The following SEPTIN9 variants were observed in gnomAD, a reference collection of about 807,000 sequenced individuals.
The protein encoded by SEPTIN9 is septin 9.
SEPTIN9 carries 13 observed loss-of-function variants against 56.6 expected under a neutral mutation model. The observed-to-expected ratio is 0.23, with a 90% CI of 0.15 to 0.37. The LOEUF (loss-of-function observed/expected upper bound fraction) is 0.37. SEPTIN9 is among the 10% of genes least tolerant of loss of function. The pLI is 1.00. For synonymous variants in SEPTIN9, 332 were observed against 334.1 expected (o/e 0.99, Z 0.07); for missense variants, 650 against 823.1 (o/e 0.79, Z 2.57).
intron 8 of SEPTIN9, 52 bp downstream of exon 8, chr17:77,490,911 T>C: frequency 7.1e-7 from 1 of 1,415,704 alleles, no homozygotes; most frequent in South Asian, 1.2e-5. Flanking sequence ...CTGGAGACGC[T>C]GCAGGCCTGG....
chr17:77,361,213 C>T (rs372466409), intron 2 of SEPTIN9, among the ~76,000 whole-genome samples: 84 of 152,108 alleles, frequency 5.5e-4, no homozygotes, highest in African/African-American at 9.9e-4. Flanking sequence ...CGTGAGCCAC[C>T]GCACTGGGCC....
chr17:77,482,496 C>T (rs111599420), intron 4 of SEPTIN9, 161 bp downstream of exon 4: 8 of 780,830 alleles, frequency 1.0e-5, no homozygotes, highest in South Asian at 2.9e-5. Flanking sequence ...TGCATGCATG[C>T]GCCTGGGAGG....
At chr17:77,401,681 G>A (rs139984182) in intron 2 of SEPTIN9, among the ~76,000 whole-genome samples, 2,330 of 151,576 alleles carry the variant, frequency 0.015, 52 homozygotes, top group African/African-American at 0.053. Flanking sequence ...GGGAGGTGCC[G>A]CTGCACTCCA....
rs2038193638 is a variant in SEPTIN9 at position 77,456,174 on chromosome 17, C to T, written c.722-25970C>T. On this transcript the variant is annotated intron_variant, in intron 3 of 11. Transcript: ENST00000427177. The surrounding 1 kb of genome is among the most constrained non-coding windows in gnomAD (Gnocchi z 6.0). ...CCCCATTGAGTGGGAGGGAGAATCG[C>T]TGCTGTCTGTAGCTGGGGGGCCGGG... Among the ~76,000 whole-genome samples, 2 of 122,534 alleles carry T rather than the reference C, an allele frequency of 1.6e-5. No individual in the cohort carries two copies. The highest frequency in any genetic ancestry group is 5.9e-4 in the South Asian group (2 of 3,402). The allele number at this position is 122,534 out of a possible 152,430, so 80.4% of individuals were successfully genotyped here. A position where few individuals can be genotyped will look rare whatever the true frequency, so the allele number is the denominator to read the frequency against.
chr17:77,489,356 C>G (rs560865554), intron 7 of SEPTIN9, among the ~76,000 whole-genome samples: 95 of 152,298 alleles, frequency 6.2e-4, no homozygotes, highest in African/African-American at 2.2e-3. Context: ...CCCTTTCCTC[C>G]CGCCGGCTCT....
chr17:77,423,796 A>C (rs545118623), intron 3 of SEPTIN9, among the ~76,000 whole-genome samples: 3 of 152,316 alleles, frequency 2.0e-5, no homozygotes, highest in East Asian at 1.9e-4. Flanking sequence ...GTGAGTAAGA[A>C]AGTGGCAGGA....
At chr17:77,351,954 A>G (rs1437095333) in intron 2 of SEPTIN9, among the ~76,000 whole-genome samples, 2 of 152,232 alleles carry the variant, frequency 1.3e-5, no homozygotes, top group Non-Finnish European at 2.9e-5. Flanking sequence ...CTTGCTGACC[A>G]GAGCCGGGGT....
intron 2 of SEPTIN9, among the ~76,000 whole-genome samples, chr17:77,351,226 A>AC (rs2034052219): frequency 1.8e-5 from 2 of 112,988 alleles, no homozygotes; most frequent in African/African-American, 7.4e-5. Flanking sequence ...GCGCGTGCAC[A>AC]CAACACACAC....
At chr17:77,305,908 G>T in intron 1 of SEPTIN9, among the ~76,000 whole-genome samples, 1 of 104,938 alleles carries the variant, frequency 9.5e-6, no homozygotes, top group Non-Finnish European at 1.9e-5. Context: ...GGGTGGGTGG[G>T]GGGGTGGGTG....
chr17:77,368,315 GT>G lies in SEPTIN9; in HGVS notation c.77-33730del, dbSNP rs141081064. On this transcript the variant is annotated intron_variant, in intron 2 of 11. Transcript: ENST00000427177. Reference sequence around the variant, plus strand: ...TGGTAAATTTGTCTTTTTTGTTTTTGTTTTTTTTTTTTTTGAGACGGAGTCT... The same window carrying G: ...TGGTAAATTTGTCTTTTTTGTTTTTGTTTTTTTTTTTTTGAGACGGAGTCT... Among the ~76,000 whole-genome samples the G allele has an allele frequency of 6.4e-4, 92 of 143,362 alleles. 1 individual carries two copies. Among genetic ancestry groups the G allele is most frequent in the African/African-American group, 9.7e-4 (38 of 39,210 alleles). The allele number at this position is 143,362 out of a possible 152,430, so 94.1% of individuals were successfully genotyped here.
intron 1 of SEPTIN9, among the ~76,000 whole-genome samples, chr17:77,298,112 G>C (rs2031895463): frequency 6.6e-6 from 1 of 152,260 alleles, no homozygotes; most frequent in African/African-American, 2.4e-5. Context: ...CTCCTTAAAG[G>C]AGAATGTGTT....
intron 3 of SEPTIN9, among the ~76,000 whole-genome samples, chr17:77,460,782 G>T (rs537781390): frequency 6.6e-6 from 1 of 152,310 alleles, no homozygotes; most frequent in South Asian, 2.1e-4. Flanking sequence ...CTTGCATCCG[G>T]GGAGTGGGGT....
chr17:77,329,730 C>G lies in SEPTIN9; in HGVS notation c.76+22533C>G, dbSNP rs772901107. 6.6e-6 allele frequency among the ~76,000 whole-genome samples: 1 copy of G among 152,144 alleles called. No individual in the cohort carries two copies. The highest frequency in any genetic ancestry group is 1.5e-5 in the Non-Finnish European group (1 of 68,018). On this transcript the variant is annotated intron_variant, in intron 2 of 11. Coordinates refer to ENST00000427177, the MANE Select transcript of SEPTIN9 (RefSeq NM_001113491.2). This position sits in a 1 kb window ranked among gnomAD's most constrained non-coding sequence, Gnocchi z 4.3. ...TGCCTGAGGACTGCTGTCCACCGTC[C>G]CACCATCCTTCAGGTTTCTTCCCAG...
At position 77,362,201 on chromosome 17, in the gene SEPTIN9, T is replaced by TCCCTG. The variant is rs140062045; in HGVS notation, c.77-39843_77-39839dup. On this transcript the variant is annotated intron_variant, in intron 2 of 11. Coordinates refer to ENST00000427177, the MANE Select transcript of SEPTIN9 (RefSeq NM_001113491.2). ...GGTGGCCTTCACCAATCAGGCAGAT[T>TCCCTG]CCCTGCCCTGCCCTGCCCTTTGGGC... Among the ~76,000 whole-genome samples, 616 of 152,296 alleles carry TCCCTG rather than the reference T, an allele frequency of 4.0e-3. 3 individuals carry two copies. Among genetic ancestry groups the TCCCTG allele is most frequent in the African/African-American group, 0.014 (585 of 41,544 alleles).
At chr17:77,343,003 GTCTA>G (rs139340887) in intron 2 of SEPTIN9, among the ~76,000 whole-genome samples, 7,373 of 147,192 alleles carry the variant, frequency 0.05, 213 homozygotes, top group Middle Eastern at 0.086. Context: ...CTGTCTGTCT[GTCTA>G]TCTATCTATC....
chr17:77,424,302 T>G (rs957499445), intron 3 of SEPTIN9, among the ~76,000 whole-genome samples: 4 of 152,278 alleles, frequency 2.6e-5, no homozygotes, highest in African/African-American at 9.6e-5. Flanking sequence ...ACAGGGCTGC[T>G]TGACTCCAAA....
At chr17:77,480,259 G>T (rs2039400409) in intron 3 of SEPTIN9, among the ~76,000 whole-genome samples, 1 of 152,204 alleles carries the variant, frequency 6.6e-6, no homozygotes, top group African/African-American at 2.4e-5. Context: ...AGAAGACGGG[G>T]AGGTGCCTGT....
intron 2 of SEPTIN9, among the ~76,000 whole-genome samples, chr17:77,320,731 C>T (rs1378870468): frequency 6.6e-6 from 1 of 152,192 alleles, no homozygotes; most frequent in African/African-American, 2.4e-5. Context: ...GTTGGTTTGT[C>T]CACTGTGTGG....
At chr17:77,391,830 G>T (rs948461313) in intron 2 of SEPTIN9, among the ~76,000 whole-genome samples, 1 of 152,244 alleles carries the variant, frequency 6.6e-6, no homozygotes, top group Admixed American at 6.5e-5. Context: ...GCTGGTGCTG[G>T]CTTGCCAGGT....
Sources: gnomAD v4.1 joint callset for allele counts (sites outside exome capture counted in the v4.1 genomes callset) on GRCh38, gnomAD v4.1.1 for gene constraint, Gnocchi (gnomAD v3.1) non-coding constraint, MANE v1.5 for transcripts, NCBI Gene and HGNC (gene_info 2026-07-23, HGNC 2026-07-21) for gene names.